Variants in SPEG observed in about 807,000 individuals in gnomAD.
SPEG encodes the protein striated muscle preferentially expressed protein kinase.
In SPEG, 114 loss-of-function variants were observed where a neutral mutation model predicts 300.4. The observed-to-expected ratio is 0.38, with a 90% CI of 0.33 to 0.44. The LOEUF (loss-of-function observed/expected upper bound fraction) is 0.44. SPEG is among the 20% of genes least tolerant of loss of function. The pLI, the probability that SPEG is intolerant of heterozygous loss-of-function variation, is 1.00. For missense variants in SPEG, 4,201 were observed against 4,586.2 expected (o/e 0.92, Z 2.43); for synonymous variants, 1,964 against 2,018.9 (o/e 0.97, Z 0.73).
Position 219,464,588 on chromosome 2 carries a change from A to T in SPEG, c.2861A>T (p.Glu954Val). Residue 954 changes from glutamate to valine, a missense_variant, in exon 9 of 41, where the codon GAG becomes GTG. Physicochemically the swap from Glu to Val is moderately radical, Grantham distance 121 (BLOSUM62 -2). This residue lies in a region of SPEG where 1,047 missense variants were observed against 1,356.8 expected (regional missense o/e 0.77). Transcript: ENST00000312358. The surrounding 1 kb of genome is among the most constrained non-coding windows in gnomAD (Gnocchi z 4.5). The stretch of plus-strand genomic sequence containing the variant: ...AATGAGTATGGTGCTCGGCAGTGCG[A>T]GGCCCGCTTGGAGGTCCGAGGTGAG... ...AVNEYGARQC[E>V]ARLEVRAHPE... 1.2e-6 allele frequency: 2 copies of T among 1,614,148 alleles called. No homozygotes were observed. The highest frequency in any genetic ancestry group is 2.7e-5 in the African/African-American group (2 of 75,066).
intron 38 of SPEG, 82 bp from the exon 39 acceptor site, chr2:219,491,712 G>A: frequency 2.8e-6 from 3 of 1,086,288 alleles, no homozygotes; most frequent in Non-Finnish European, 4.1e-6. Context: ...TTGTCCTGCT[G>A]CTCAAGCACC....
chr2:219,472,562 G>A (rs995873477), intron 15 of SPEG, among the ~76,000 whole-genome samples: 2 of 152,264 alleles, frequency 1.3e-5, no homozygotes, highest in Admixed American at 1.3e-4. Context: ...TCCTCAGAGT[G>A]GGTGCCTGGG....
rs766218167 is a variant in SPEG, at chr2:219,451,798, G to A, written c.2431G>A (p.Val811Met). ...GQATCAASLT[V>M]RPGGSTSPFS... is the part of the protein sequence containing the mutation. ...GGCCACCTGTGCCGCCTCACTGACC[G>A]TGAGACCCGGTAGGGAGCCCATCAA... Residue 811 changes from valine to methionine, a missense_variant, in exon 6 of 41, where the codon GTG becomes ATG. Coordinates refer to ENST00000312358, the MANE Select transcript of SPEG (RefSeq NM_005876.5). This position sits in a 1 kb window ranked among gnomAD's most constrained non-coding sequence, Gnocchi z 6.4. 1.0e-5 allele frequency: 16 copies of A among 1,541,378 alleles called. No individual in the cohort carries two copies. In the East Asian group the frequency reaches 2.9e-4, roughly 28 times the overall value.
At position 219,451,733 on chromosome 2, in the gene SPEG, C is replaced by T. The variant is rs866867947; in HGVS notation, c.2366C>T (p.Ala789Val). The T allele has an allele frequency of 1.9e-6, 3 of 1,561,802 alleles. No homozygotes were observed. Among genetic ancestry groups the T allele is most frequent in the Non-Finnish European group, 2.6e-6 (3 of 1,153,738 alleles). The change falls in exon 6 of 41, where the codon GCC becomes GTC. Residue 789 changes from alanine (A) to valine (V), a missense_variant. This residue lies in a region of SPEG where 1,258 missense variants were observed against 1,293.9 expected (regional missense o/e 0.97). Coordinates refer to ENST00000312358, the MANE Select transcript of SPEG (RefSeq NM_005876.5). This position sits in a 1 kb window ranked among gnomAD's most constrained non-coding sequence, Gnocchi z 6.4. Reference sequence around the variant, plus strand: ...CTCAGGGAGGCCAGGGCAGCAGATGCCGGGAGCTATATGGCCACCGCCACC... The same window carrying T: ...CTCAGGGAGGCCAGGGCAGCAGATGTCGGGAGCTATATGGCCACCGCCACC... ...LLLREARAAD[A>V]GSYMATATNE...
Position 219,451,009 on chromosome 2 carries a change from C to T in SPEG, c.2114-127C>T. ...GAGGCAGACCCTCTTCTCCCCAAGT[C>T]CCTGCTTTCTAGAAGCCCCTCTGTC... is the stretch of plus-strand genomic sequence containing the variant. On this transcript the variant is annotated intron_variant, in intron 4 of 40. Transcript: ENST00000312358. This position sits in a 1 kb window ranked among gnomAD's most constrained non-coding sequence, Gnocchi z 6.4. The T allele has an allele frequency of 1.1e-6, 1 of 950,818 alleles. No individual in the cohort carries two copies. Among genetic ancestry groups the T allele is most frequent in the Middle Eastern group, 2.3e-4 (1 of 4,372 alleles). 58.9% of individuals were successfully genotyped at this position (950,818 alleles called of 1,614,324 possible).
Position 219,477,797 on chromosome 2 carries a change from G to C in SPEG, c.4826+12G>C, listed in dbSNP as rs371743943. 6.2e-6 allele frequency: 10 copies of C among 1,601,532 alleles called. No homozygotes were observed. Among genetic ancestry groups the C allele is most frequent in the Non-Finnish European group, 8.5e-6 (10 of 1,172,084 alleles). On this transcript the variant is annotated intron_variant, in intron 21 of 40. Coordinates refer to ENST00000312358, the MANE Select transcript of SPEG (RefSeq NM_005876.5). This position sits in a 1 kb window ranked among gnomAD's most constrained non-coding sequence, Gnocchi z 6.4. ...CAGGAGATCGGCAGGTGTGGGGCTA[G>C]GAGGGAAGCCAGTGGGGGCCGAGAG...
rs766135044 is a variant in SPEG, at chr2:219,492,788, G to A, written c.*2G>A. 4 of 1,582,816 alleles carry A rather than the reference G, an allele frequency of 2.5e-6. No homozygotes were observed. In the East Asian group the frequency reaches 6.8e-5, roughly 27 times the overall value. On this transcript the variant is annotated 3_prime_UTR_variant, in exon 41 of 41. Transcript: ENST00000312358. ...CGCTCCTACCCTGGCGGCCCCTAGA[G>A]GCACGGACCACAGCCAGGCCTCGGG...
rs544346417 is a variant in SPEG, at chr2:219,462,223, G to A, written c.2617-75G>A. ...CAGCCTGGCTGTGGAAGAGTCCTCCGTCTCAGATTCCACAGCCCCCAGGAC... is the reference window on the plus strand; with the variant it reads ...CAGCCTGGCTGTGGAAGAGTCCTCCATCTCAGATTCCACAGCCCCCAGGAC... On this transcript the variant is annotated intron_variant, in intron 7 of 40. Coordinates refer to ENST00000312358, the MANE Select transcript of SPEG (RefSeq NM_005876.5). The A allele has an allele frequency of 2.8e-4, 373 of 1,343,820 alleles. 1 individual carries two copies. The African/African-American group carries it at 3.6e-3, about 13-fold the overall frequency. The allele number at this position is 1,343,820 out of a possible 1,614,324, so 83.2% of individuals were successfully genotyped here.
Position 219,485,068 on chromosome 2 carries a change from C to T in SPEG, c.7605C>T (p.Ser2535=). Residue 2535 remains serine, a synonymous_variant, in exon 30 of 41, where the codon TCC becomes TCT. Coordinates refer to ENST00000312358, the MANE Select transcript of SPEG (RefSeq NM_005876.5). Reference sequence around the variant, plus strand: ...CCGAGGCCAGCGCCACGTCGGGCTCCTCAGGTGAGGAGGGGCAGGGGTAGG... The same window carrying T: ...CCGAGGCCAGCGCCACGTCGGGCTCTTCAGGTGAGGAGGGGCAGGGGTAGG... ...LGSEASATSG[S]SAPGESRSRL... is the part of the protein sequence containing the mutation. 6.5e-7 allele frequency: 1 copy of T among 1,532,432 alleles called. No homozygotes were observed. Among genetic ancestry groups the T allele is most frequent in the Non-Finnish European group, 8.7e-7 (1 of 1,145,978 alleles). 94.9% of individuals were successfully genotyped at this position (1,532,432 alleles called of 1,614,324 possible).
chr2:219,478,994 C>T, intron 22 of SPEG, 150 bp from the exon 23 acceptor site: 1 of 671,960 alleles, frequency 1.5e-6, no homozygotes. Flanking sequence ...GGAGGGGGTA[C>T]ACGTGGAGGA....
chr2:219,463,392 ATTTTTTTTTTTTTTTTTTTTT>A (rs71040459), intron 8 of SPEG, among the ~76,000 whole-genome samples: 9 of 23,910 alleles, frequency 3.8e-4, no homozygotes, highest in East Asian at 2.6e-3. Flanking sequence ...CCCCACTGTG[ATTTTTTTTTTTTTTTTTTTTT>A]TTTTTTTTTT....
chr2:219,462,240 C>T (rs1164171900), intron 7 of SPEG, 58 bp from the exon 8 acceptor site: 6 of 1,436,926 alleles, frequency 4.2e-6, no homozygotes, highest in Middle Eastern at 1.7e-4. Flanking sequence ...ATTCCACAGC[C>T]CCCAGGACCC....
In SPEG at chr2:219,488,906, G is replaced by A. The variant is rs1290747146; in HGVS notation, c.8149+6G>A. The A allele has an allele frequency of 3.2e-6, 5 of 1,583,950 alleles. No individual in the cohort carries two copies. The highest frequency in any genetic ancestry group is 4.3e-6 in the Non-Finnish European group (5 of 1,165,024). On this transcript the variant is annotated splice_donor_region_variant and intron_variant, in intron 34 of 40. Coordinates refer to ENST00000312358, the MANE Select transcript of SPEG (RefSeq NM_005876.5). ...GCTGGAGCGGCGAGTGGATGGTGAG[G>A]ATGGGGCAGCTGGAGGGTTGGGGGA...
chr2:219,472,302 A>T lies in SPEG; in HGVS notation c.3911A>T (p.Asn1304Ile). The T allele has an allele frequency of 6.2e-7, 1 of 1,612,630 alleles. No individual in the cohort carries two copies. Among genetic ancestry groups the T allele is most frequent in the Non-Finnish European group, 8.5e-7 (1 of 1,179,758 alleles). The change falls in exon 15 of 41, where the codon AAC becomes ATC. Residue 1304 changes from asparagine to isoleucine, a missense_variant. Transcript: ENST00000312358. The stretch of plus-strand genomic sequence containing the variant: ...GGGAGGATGGTCACACTCACATGGA[A>T]CCCCCCCAGGAGTCTGGACATGGCC... ...VTGRMVTLTW[N>I]PPRSLDMAID...
chr2:219,442,021 C>G, intron 1 of SPEG: 1 of 942,374 alleles, frequency 1.1e-6, no homozygotes, highest in Non-Finnish European at 1.4e-6. Flanking sequence ...CCCTCCTCGC[C>G]CGGCCGCCGG....
In SPEG at chr2:219,490,847, G is replaced by C. The variant is rs1426493340; in HGVS notation, c.9276G>C (p.Leu3092=). ...TAGACATCAAGCCAGACAACCTGCT[G>C]CTGGCCCCTGACAATGCCCTCAAGA... The part of the protein sequence containing the change: ...LHLDIKPDNL[L]LAPDNALKIV... The change falls in exon 38 of 41, where the codon CTG becomes CTC. Residue 3092 remains leucine, a synonymous_variant. Transcript: ENST00000312358. 1.2e-6 allele frequency: 2 copies of C among 1,614,028 alleles called. No homozygotes were observed. Among genetic ancestry groups the C allele is most frequent in the Non-Finnish European group, 8.5e-7 (1 of 1,180,024 alleles).
chr2:219,435,235 G>A lies in SPEG; in HGVS notation c.258G>A (p.Pro86=), dbSNP rs1954683090. The A allele has an allele frequency of 1.4e-6, 2 of 1,476,840 alleles. No homozygotes were observed. Among genetic ancestry groups the A allele is most frequent in the Non-Finnish European group, 1.8e-6 (2 of 1,124,060 alleles). The allele number at this position is 1,476,840 out of a possible 1,614,324, so 91.5% of individuals were successfully genotyped here. Residue 86 remains proline (P), a synonymous_variant, in exon 1 of 41, where the codon CCG becomes CCA. Coordinates refer to ENST00000312358, the MANE Select transcript of SPEG (RefSeq NM_005876.5). ...WFRDGQLLPA[P]APEPSCLWLR... is the part of the protein sequence containing the mutation. The stretch of plus-strand genomic sequence containing the variant: ...GGGATGGGCAGCTCCTGCCCGCGCC[G>A]GCCCCCGAGCCCAGCTGCCTGTGGC...
chr2:219,491,973 A>G, intron 39 of SPEG, 104 bp downstream of exon 39: 1 of 1,332,672 alleles, frequency 7.5e-7, no homozygotes, highest in South Asian at 1.4e-5. Context: ...TCCCCTGTAC[A>G]CACATCCACA....
rs1265254933 is a variant in SPEG at position 219,492,529 on chromosome 2, G to C, written c.9612-65G>C. On this transcript the variant is annotated intron_variant, in intron 40 of 40. Coordinates refer to ENST00000312358, the MANE Select transcript of SPEG (RefSeq NM_005876.5). The stretch of plus-strand genomic sequence containing the variant: ...AGGACTGGGACATGGGTCTGCGGGA[G>C]GACAGAGCCCCGGCAGCTCCCAGAG... The C allele has an allele frequency of 2.6e-6, 4 of 1,544,620 alleles. No homozygotes were observed. The African/African-American group carries it at 4.1e-5, about 16-fold the overall frequency.
Sources: allele counts gnomAD v4.1 joint callset (sites outside exome capture counted in the v4.1 genomes callset), GRCh38; gene constraint gnomAD v4.1.1; regional missense constraint gnomAD v4.1.1; non-coding constraint Gnocchi (gnomAD v3.1); transcripts MANE v1.5; gene names NCBI Gene and HGNC (gene_info 2026-07-23, HGNC 2026-07-21).